The following DMC1 variants were observed in gnomAD, a reference collection of about 807,000 sequenced individuals.
DMC1 encodes the protein DNA meiotic recombinase 1.
In DMC1, 27 loss-of-function variants were observed where a neutral mutation model predicts 50.1. The ratio of observed to expected loss-of-function variants is 0.54; its 90% CI spans 0.40 to 0.74. DMC1 has a LOEUF of 0.74. DMC1 is among the 30% of genes least tolerant of loss of function. The probability of loss-of-function intolerance (pLI) is 0.00; values close to 1 mark genes in which losing one functional copy is unlikely to be tolerated. For missense variants in DMC1, 295 were observed against 420.2 expected, an observed-to-expected ratio of 0.70 and a Z score of 2.60; for synonymous variants, 148 against 136.1, an observed-to-expected ratio of 1.09 and a Z score of -0.61.
intron 5 of DMC1, among the ~76,000 whole-genome samples, chr22:38,561,948 GC>G: frequency 6.6e-6 from 1 of 152,240 alleles, no homozygotes; most frequent in Middle Eastern, 3.4e-3. Context: ...TCTAACAATT[GC>G]TTTTTGAGTA....
chr22:38,549,647 C>A, intron 8 of DMC1: 1 of 306,432 alleles, frequency 3.3e-6, no homozygotes, highest in East Asian at 7.1e-5. Context: ...TTTTTTCTAA[C>A]TATTAAGCAA....
intron 12 of DMC1, among the ~76,000 whole-genome samples, chr22:38,527,618 A>G (rs1411374313): frequency 6.7e-6 from 1 of 148,714 alleles, no homozygotes; most frequent in Admixed American, 6.9e-5. Flanking sequence ...TCCTGGGTTC[A>G]AGCAATTCTC....
chr22:38,543,230 G>GTT (rs1234016755), intron 8 of DMC1, among the ~76,000 whole-genome samples: 44 of 131,498 alleles, frequency 3.3e-4, no homozygotes, highest in Admixed American at 6.2e-4. Context: ...CCTGTAAATT[G>GTT]TTTTTTTTTT....
chr22:38,566,107 T>C (rs1309070286), intron 4 of DMC1, among the ~76,000 whole-genome samples: 1 of 152,028 alleles, frequency 6.6e-6, no homozygotes, highest in Non-Finnish European at 1.5e-5. Context: ...AAACCTCGTC[T>C]CTACTAAAAA....
At position 38,521,698 on chromosome 22, in the gene DMC1, A is replaced by G. The variant is rs149395896; in HGVS notation, c.863T>C (p.Ile288Thr). ...MTFQADPKKP[I>T]GGHILAHAST... ...AGCATGAGCCAGAATGTGTCCCCCA[A>G]TGGGTTTTTTGGGATCTGCCTGAAA... Residue 288 changes from isoleucine to threonine, a missense_variant, in exon 13 of 14, where the codon ATT (isoleucine) becomes ACT (threonine). By Grantham distance (89) the Ile-to-Thr change is moderately conservative (BLOSUM62 -1). Coordinates refer to ENST00000216024, the MANE Select transcript of DMC1 (RefSeq NM_007068.4). 4.7e-4 allele frequency: 758 copies of G among 1,613,764 alleles called. 3 individuals are homozygous for G. Among genetic ancestry groups the G allele is most frequent in the East Asian group, 2.9e-3 (131 of 44,866 alleles).
chr22:38,566,091 A>G (rs973212067), intron 4 of DMC1, among the ~76,000 whole-genome samples: 3 of 152,196 alleles, frequency 2.0e-5, no homozygotes, highest in Admixed American at 2.0e-4. Flanking sequence ...CTTGGCCAAC[A>G]TGGTGAAACC....
At chr22:38,542,018 T>TAA (rs61612851) in intron 8 of DMC1, among the ~76,000 whole-genome samples, 4 of 140,852 alleles carry the variant, frequency 2.8e-5, no homozygotes, top group Non-Finnish European at 6.2e-5. Flanking sequence ...TCATTTATGA[T>TAA]AAAAAAAAAA....
intron 12 of DMC1, among the ~76,000 whole-genome samples, chr22:38,535,232 GA>G (rs1050474639): frequency 6.6e-6 from 1 of 151,962 alleles, no homozygotes; most frequent in East Asian, 1.9e-4. Context: ...CTGGGAGGCG[GA>G]GACTGCAGTG....
chr22:38,548,449 C>T (rs1439006423), intron 8 of DMC1, among the ~76,000 whole-genome samples: 1 of 152,060 alleles, frequency 6.6e-6, no homozygotes, highest in African/African-American at 2.4e-5. Flanking sequence ...GTGGTATGTG[C>T]CTGTAGTTCC....
At chr22:38,567,435 T>TG in intron 3 of DMC1, 148 bp downstream of exon 3, 1 of 719,878 alleles carries the variant, frequency 1.4e-6, no homozygotes, top group East Asian at 2.6e-5. Context: ...ATGCAGTGAG[T>TG]GAGTAGAGGC....
chr22:38,568,331 C>T, intron 1 of DMC1, 42 bp from the exon 2 acceptor site: 1 of 1,425,592 alleles, frequency 7.0e-7, no homozygotes. Context: ...AGTCCTTTGT[C>T]CAGGGGCCTC....
intron 7 of DMC1, among the ~76,000 whole-genome samples, chr22:38,550,320 T>TC (rs2090390158): frequency 1.4e-5 from 2 of 148,118 alleles, no homozygotes; most frequent in South Asian, 2.1e-4. Flanking sequence ...TTCTTTTCTT[T>TC]TTTTTTTTTT....
At chr22:38,550,945 A>G (rs1323399587) in intron 7 of DMC1, among the ~76,000 whole-genome samples, 2 of 147,828 alleles carry the variant, frequency 1.4e-5, no homozygotes, top group African/African-American at 2.5e-5. Context: ...AAAAAAAAAA[A>G]AAAAGAAAGA....
rs1193611914 is a variant in DMC1, at chr22:38,568,209, T to C, written c.48A>G (p.Glu16=). 6.2e-7 allele frequency: 1 copy of C among 1,614,102 alleles called. No homozygotes were observed. The part of the protein sequence containing the change: ...VVAEEPGFQD[E]EESLFQDIDL... ...TCTTTCAACATTTTAGTCATACCTCTTCATCTTGGAATCCTGGTTCTTCCG... is the reference window on the plus strand; with the variant it reads ...TCTTTCAACATTTTAGTCATACCTCCTCATCTTGGAATCCTGGTTCTTCCG... Residue 16 remains glutamate, a synonymous_variant, in exon 2 of 14, where the codon GAA becomes GAG. Transcript: ENST00000216024.
At chr22:38,535,103 T>G (rs1279687666) in intron 12 of DMC1, among the ~76,000 whole-genome samples, 3 of 151,154 alleles carry the variant, frequency 2.0e-5, no homozygotes, top group African/African-American at 7.3e-5. Context: ...ATAGAAACCA[T>G]CCTGGCTAAC....
Position 38,523,749 on chromosome 22 carries a change from C to CT in DMC1, c.837-2026_837-2025insA, listed in dbSNP as rs2090055810. Among the ~76,000 whole-genome samples, 7 of 151,090 alleles carry CT rather than the reference C, an allele frequency of 4.6e-5. No individual in the cohort carries two copies. In the South Asian group the frequency reaches 1.5e-3, roughly 31 times the overall value. On this transcript the variant is annotated intron_variant, in intron 12 of 13. Coordinates refer to ENST00000216024, the MANE Select transcript of DMC1 (RefSeq NM_007068.4). The stretch of plus-strand genomic sequence containing the variant: ...CGCCACTGTACTCTAGCCTGGGTGA[C>CT]AGAGTGGGACTCTGTCTCAGAAAAA...
rs377301823 is a variant in DMC1 at position 38,531,885 on chromosome 22, A to ATTAATTCAAAATTGTTTTACTCT, written c.836+5684_836+5706dup. 5.2e-3 allele frequency among the ~76,000 whole-genome samples: 791 copies of ATTAATTCAAAATTGTTTTACTCT among 152,264 alleles called. 7 individuals are homozygous for ATTAATTCAAAATTGTTTTACTCT. Among genetic ancestry groups the ATTAATTCAAAATTGTTTTACTCT allele is most frequent in the African/African-American group, 0.018 (751 of 41,538 alleles). On this transcript the variant is annotated intron_variant, in intron 12 of 13. Coordinates refer to ENST00000216024, the MANE Select transcript of DMC1 (RefSeq NM_007068.4). ...CTATTTCTTTCATTGTCTTATTGGAATTAATTCAAAATTGTTTTACTCTTT... is the reference window on the plus strand; with the variant it reads ...CTATTTCTTTCATTGTCTTATTGGAATTAATTCAAAATTGTTTTACTCTTTAATTCAAAATTGTTTTACTCTTT...
intron 5 of DMC1, among the ~76,000 whole-genome samples, chr22:38,557,873 C>T (rs1164433646): frequency 6.7e-6 from 1 of 149,286 alleles, no homozygotes; most frequent in Non-Finnish European, 1.5e-5. Flanking sequence ...ACTCACTATA[C>T]TTCTAAATTT....
At chr22:38,552,283 GTC>G (rs758259388) in intron 7 of DMC1, among the ~76,000 whole-genome samples, 12 of 152,140 alleles carry the variant, frequency 7.9e-5, no homozygotes, top group Non-Finnish European at 1.6e-4. Context: ...TTGTTTTTAA[GTC>G]TCTCTTAGGG....
Sources: gnomAD v4.1 joint callset for allele counts (sites outside exome capture counted in the v4.1 genomes callset) on GRCh38, gnomAD v4.1.1 for gene constraint, MANE v1.5 for transcripts, NCBI Gene and HGNC (gene_info 2026-07-23, HGNC 2026-07-21) for gene names.